Variants in NOX1 observed in about 807,000 individuals in gnomAD.
NOX1 encodes NADPH oxidase 1.
A neutral mutation model predicts 42.5 loss-of-function variants in NOX1; 34 were observed. The ratio of observed to expected loss-of-function variants is 0.80; its 90% CI spans 0.61 to 1.07. The LOEUF is 1.07. Among genes scored for constraint, NOX1 ranks in the 50% least tolerant of loss-of-function variants. The pLI, the probability that NOX1 is intolerant of heterozygous loss-of-function variation, is 0.00. For missense variants in NOX1, 408 were observed against 427.0 expected (o/e 0.96, Z 0.39); for synonymous variants, 143 against 152.5 (o/e 0.94, Z 0.46).
chrX:100,863,088 A>C, intron 4 of NOX1, 71 bp downstream of exon 4: 1 of 797,180 alleles, frequency 1.3e-6, no homozygotes, highest in Non-Finnish European at 1.9e-6. Flanking sequence ...TTGAATGTGC[A>C]TATGGATGGA....
rs367726200 is a variant in NOX1 at position 100,850,847 on chromosome X, C to CT, written c.897+385dup. On this transcript the variant is annotated intron_variant, in intron 8 of 12. Transcript: ENST00000372966. ...GGTATGCCAAACCCAAGTTCTTCTT[C>CT]TTTTTTTTTTGAGACAGAGCCTCTC... 3.7e-3 allele frequency among the ~76,000 whole-genome samples: 394 copies of CT among 106,084 alleles called. 3 individuals are homozygous for CT. The highest frequency in any genetic ancestry group is 0.012 in the African/African-American group (357 of 29,247). 92.1% of individuals were successfully genotyped at this position (106,084 alleles called of 115,157 possible).
intron 7 of NOX1, among the ~76,000 whole-genome samples, chrX:100,861,539 C>G (rs1325980043): frequency 9.0e-6 from 1 of 111,587 alleles, no homozygotes; most frequent in Non-Finnish European, 1.9e-5. Context: ...CTTGAGTTCC[C>G]TAGAACACAG....
In NOX1 at chrX:100,861,790, T is replaced by C. The variant is rs962176927; in HGVS notation, c.804+381A>G. Reference sequence around the variant, plus strand: ...GTTTACTTAATCTCTTGGAATCCTGTCCTTTTGTTTCAAAATTTAGACAAA... The same window carrying C: ...GTTTACTTAATCTCTTGGAATCCTGCCCTTTTGTTTCAAAATTTAGACAAA... On this transcript the variant is annotated intron_variant, in intron 7 of 12. Transcript: ENST00000372966. Among the ~76,000 whole-genome samples the C allele has an allele frequency of 2.7e-5, 3 of 112,187 alleles. No individual in the cohort carries two copies. The South Asian group carries it at 1.1e-3, about 41-fold the overall frequency.
chrX:100,867,114 G>C (rs2085243478), intron 2 of NOX1, among the ~76,000 whole-genome samples: 1 of 111,893 alleles, frequency 8.9e-6, no homozygotes, highest in Non-Finnish European at 1.9e-5. Context: ...CTCACTGCAA[G>C]CTCCGCCTTC....
intron 11 of NOX1, 70 bp downstream of exon 11, chrX:100,849,210 A>G: frequency 9.2e-7 from 1 of 1,088,046 alleles, no homozygotes; most frequent in Admixed American, 2.3e-5. Context: ...CTTCTAATCC[A>G]TATGCACTAT....
intron 2 of NOX1, among the ~76,000 whole-genome samples, chrX:100,864,334 C>T (rs972550352): frequency 2.7e-5 from 3 of 112,212 alleles, no homozygotes; most frequent in Non-Finnish European, 5.6e-5. Context: ...AAAGCTCATA[C>T]TTAGAGGTAC....
chrX:100,843,422 T>G lies in NOX1; in HGVS notation c.*530A>C. Reference sequence around the variant, plus strand: ...ACCATATCAAAAGTGACAGTAAACATGTACACTGTTGGTGTTATATGGGGA... The same window carrying G: ...ACCATATCAAAAGTGACAGTAAACAGGTACACTGTTGGTGTTATATGGGGA... On this transcript the variant is annotated 3_prime_UTR_variant, in exon 13 of 13. Coordinates refer to ENST00000372966, the MANE Select transcript of NOX1 (RefSeq NM_007052.5). The G allele has an allele frequency of 8.7e-7, 1 of 1,143,053 alleles. No individual in the cohort carries two copies. Among genetic ancestry groups the G allele is most frequent in the Non-Finnish European group, 1.2e-6 (1 of 864,035 alleles). 94.2% of individuals were successfully genotyped at this position (1,143,053 alleles called of 1,213,427 possible). A position where few individuals can be genotyped will look rare whatever the true frequency, so the allele number is the denominator to read the frequency against.
intron 7 of NOX1, among the ~76,000 whole-genome samples, chrX:100,852,719 A>G (rs1395060749): frequency 1.8e-5 from 2 of 112,020 alleles, no homozygotes; most frequent in African/African-American, 6.5e-5. Flanking sequence ...GACAAATCAA[A>G]CAGAGTGAAC....
intron 1 of NOX1, among the ~76,000 whole-genome samples, chrX:100,871,228 T>C (rs1370566415): frequency 8.0e-5 from 9 of 112,830 alleles, no homozygotes; most frequent in Non-Finnish European, 1.7e-4. Flanking sequence ...CTACTCATTT[T>C]TGTATTGTTT....
chrX:100,859,725 G>A (rs992977161), intron 7 of NOX1, among the ~76,000 whole-genome samples: 1 of 103,655 alleles, frequency 9.6e-6, no homozygotes, highest in African/African-American at 3.5e-5. Context: ...TTTTTAGTTT[G>A]TGTGCATAGA....
chrX:100,871,580 A>AGC (rs754741931), intron 1 of NOX1, among the ~76,000 whole-genome samples: 18 of 111,496 alleles, frequency 1.6e-4, no homozygotes, highest in Middle Eastern at 9.2e-3. Flanking sequence ...GACTTTTTTG[A>AGC]GCTCTTAAGA....
chrX:100,873,926 G>T lies in NOX1; in HGVS notation c.45+169C>A, dbSNP rs150895132. On this transcript the variant is annotated intron_variant, in intron 1 of 12. Coordinates refer to ENST00000372966, the MANE Select transcript of NOX1 (RefSeq NM_007052.5). ...CAACATGAACAATTGCATGTTATTT[G>T]CCTCTGTCCTCTCATCTGACCCACA... Among the ~76,000 whole-genome samples the T allele has an allele frequency of 2.3e-3, 257 of 112,308 alleles. 2 individuals carry two copies. The highest frequency in any genetic ancestry group is 0.019 in the East Asian group (70 of 3,592).
At chrX:100,856,299 C>T (rs73561355) in intron 7 of NOX1, 18,884 of 776,319 alleles carry the variant, frequency 0.024, 311 homozygotes, top group African/African-American at 0.093. Flanking sequence ...CTCAGGCTCT[C>T]GTCAGTTGTT....
intron 2 of NOX1, among the ~76,000 whole-genome samples, chrX:100,865,000 G>A (rs1055750968): frequency 8.9e-6 from 1 of 112,103 alleles, no homozygotes; most frequent in African/African-American, 3.2e-5. Context: ...TCCTTATATC[G>A]TAAACCCAGG....
In NOX1 at chrX:100,849,358, C is replaced by T. The variant is rs745888214; in HGVS notation, c.1365G>A (p.Leu455=). ...FSWFNNLLTS[L]EQEMEELGKV... ...TGCCTAATTCCTCCATCTCCTGTTC[C>T]AGGGAAGTCAACAGGTTGTTGAACC... Residue 455 remains leucine, a synonymous_variant, in exon 11 of 13, where the codon CTG becomes CTA. Transcript: ENST00000372966. The T allele has an allele frequency of 8.3e-7, 1 of 1,210,354 alleles. No individual in the cohort carries two copies. The highest frequency in any genetic ancestry group is 1.8e-5 in the South Asian group (1 of 56,899).
At chrX:100,849,143 C>A in intron 11 of NOX1, 137 bp downstream of exon 11, 1 of 629,247 alleles carries the variant, frequency 1.6e-6, no homozygotes, top group African/African-American at 2.3e-5. Context: ...CTCTTCTTTC[C>A]ACCACTTTTA....
chrX:100,863,583 A>G lies in NOX1; in HGVS notation c.154T>C (p.Cys52Arg), dbSNP rs765226228. The change falls in exon 3 of 13, where the codon TGT becomes CGT. Residue 52 changes from cysteine to arginine, a missense_variant. By Grantham distance (180) the Cys-to-Arg change is radical. Coordinates refer to ENST00000372966, the MANE Select transcript of NOX1 (RefSeq NM_007052.5). Reference protein sequence around the residue: ...TRKILGSTLACARASALCLNF... With the variant: ...TRKILGSTLARARASALCLNF... ...AAGCAGAGAGCAGACGCTCGGGCACAGGCCAATGTTGACTACAGCAGAGGA... is the reference window on the plus strand; with the variant it reads ...AAGCAGAGAGCAGACGCTCGGGCACGGGCCAATGTTGACTACAGCAGAGGA... The G allele has an allele frequency of 1.7e-6, 2 of 1,209,737 alleles. No homozygotes were observed. Among genetic ancestry groups the G allele is most frequent in the Non-Finnish European group, 2.2e-6 (2 of 894,857 alleles).
Position 100,863,220 on chromosome X carries a change from C to T in NOX1, c.276G>A (p.Lys92=). 8.3e-7 allele frequency: 1 copy of T among 1,206,085 alleles called. No individual in the cohort carries two copies. Among genetic ancestry groups the T allele is most frequent in the Non-Finnish European group, 1.1e-6 (1 of 890,412 alleles). ...TCSFCSRTLR[K]QLDHNLTFHK... ...GGAAGGTGAGGTTGTGATCCAATTG[C>T]TTTCTCAGTGTGCGGCTGCAAAACT... The change falls in exon 4 of 13, where the codon AAG becomes AAA. Residue 92 remains lysine (K), a synonymous_variant. Coordinates refer to ENST00000372966, the MANE Select transcript of NOX1 (RefSeq NM_007052.5).
chrX:100,846,602 G>A (rs1287781712), intron 12 of NOX1, among the ~76,000 whole-genome samples: 5 of 109,585 alleles, frequency 4.6e-5, no homozygotes, highest in African/African-American at 1.7e-4. Context: ...AGCATTCCTT[G>A]GTACTCTGTC....
Sources: gnomAD v4.1 joint callset for allele counts (sites outside exome capture counted in the v4.1 genomes callset) on GRCh38, gnomAD v4.1.1 for gene constraint, MANE v1.5 for transcripts, NCBI Gene and HGNC (gene_info 2026-07-23, HGNC 2026-07-21) for gene names.